Variants in GRIK4 observed in about 807,000 individuals in gnomAD.
The protein encoded by GRIK4 is glutamate ionotropic receptor kainate type subunit 4.
GRIK4 carries 40 observed loss-of-function variants against 104.9 expected under a neutral mutation model. The ratio of observed to expected loss-of-function variants is 0.38; its 90% CI spans 0.30 to 0.50. GRIK4 has a LOEUF of 0.50. GRIK4 is among the 20% of genes least tolerant of loss of function. The pLI is 0.93. For missense variants in GRIK4, 1,047 were observed against 1,308.1 expected, an observed-to-expected ratio of 0.80 and a Z score of 3.08; for synonymous variants, 485 against 524.9, an observed-to-expected ratio of 0.92 and a Z score of 1.04.
intron 7 of GRIK4, among the ~76,000 whole-genome samples, chr11:120,835,556 A>G (rs772593752): frequency 8.1e-4 from 123 of 152,166 alleles, no homozygotes; most frequent in Non-Finnish European, 1.5e-3. Context: ...CAAAAAAAGA[A>G]GCTCACAAAA....
intron 1 of GRIK4, among the ~76,000 whole-genome samples, chr11:120,584,104 G>T (rs745397896): frequency 7.9e-5 from 12 of 152,180 alleles, no homozygotes; most frequent in Admixed American, 1.3e-4. Flanking sequence ...AGCTCTAGGA[G>T]CTTTTGAGCA....
intron 13 of GRIK4, among the ~76,000 whole-genome samples, chr11:120,911,066 C>T (rs1009941951): frequency 1.3e-5 from 2 of 151,982 alleles, no homozygotes; most frequent in Admixed American, 6.6e-5. Context: ...GGAGTGTGGC[C>T]CCGTGGGCAG....
intron 3 of GRIK4, among the ~76,000 whole-genome samples, chr11:120,722,625 A>AG (rs948876774): frequency 6.6e-6 from 1 of 151,992 alleles, no homozygotes; most frequent in Non-Finnish European, 1.5e-5. Context: ...AAAAAAAAAA[A>AG]AGATTTTGGG....
At chr11:120,883,498 G>A (rs147123007) in intron 11 of GRIK4, among the ~76,000 whole-genome samples, 165 of 152,264 alleles carry the variant, frequency 1.1e-3, no homozygotes, top group African/African-American at 3.9e-3. Context: ...AGTGAATCAG[G>A]CTCTCCTGTC....
intron 1 of GRIK4, among the ~76,000 whole-genome samples, chr11:120,512,949 C>A (rs893516722): frequency 6.6e-6 from 1 of 152,158 alleles, no homozygotes; most frequent in Non-Finnish European, 1.5e-5. Flanking sequence ...GCGGGCCGAG[C>A]CACTCCCGGG....
intron 2 of GRIK4, among the ~76,000 whole-genome samples, chr11:120,655,493 C>T (rs1264290045): frequency 2.6e-5 from 4 of 152,208 alleles, no homozygotes; most frequent in Admixed American, 2.0e-4. Context: ...ATGGAGAGCT[C>T]CCTAAGACTT....
chr11:120,821,548 T>A (rs1953127108), intron 6 of GRIK4, among the ~76,000 whole-genome samples: 1 of 152,192 alleles, frequency 6.6e-6, no homozygotes, highest in African/African-American at 2.4e-5. Context: ...AGGAATGTCT[T>A]CTAAGGCGAG....
chr11:120,830,470 GC>G (rs991527687), intron 6 of GRIK4, among the ~76,000 whole-genome samples: 5 of 152,098 alleles, frequency 3.3e-5, no homozygotes, highest in Admixed American at 6.5e-5. Context: ...CTCCTTTTTG[GC>G]CTGGGTGGTG....
At chr11:120,826,162 C>G (rs1418526397) in intron 6 of GRIK4, among the ~76,000 whole-genome samples, 1 of 152,212 alleles carries the variant, frequency 6.6e-6, no homozygotes, top group East Asian at 1.9e-4. Context: ...AAGATGGGCT[C>G]TATCAACATT....
intron 3 of GRIK4, among the ~76,000 whole-genome samples, chr11:120,767,966 T>G (rs2135451817): frequency 6.6e-6 from 1 of 152,238 alleles, no homozygotes; most frequent in African/African-American, 2.4e-5. Context: ...AATATAATCT[T>G]AAGTCAGGAA....
chr11:120,538,409 G>A (rs943784277), intron 1 of GRIK4, among the ~76,000 whole-genome samples: 2 of 152,194 alleles, frequency 1.3e-5, no homozygotes, highest in Admixed American at 6.5e-5. Context: ...TCCCCAGGGG[G>A]TGTACATTGT....
At chr11:120,933,864 T>C (rs1425248374) in intron 13 of GRIK4, among the ~76,000 whole-genome samples, 1 of 151,978 alleles carries the variant, frequency 6.6e-6, no homozygotes, top group Admixed American at 6.6e-5. Context: ...CATGGCTGTA[T>C]GTAAGGGAGG....
chr11:120,731,589 T>A (rs1951132374), intron 3 of GRIK4, among the ~76,000 whole-genome samples: 1 of 152,218 alleles, frequency 6.6e-6, no homozygotes, highest in South Asian at 2.1e-4. Flanking sequence ...ATAGAATGAG[T>A]TTGGAAGTAT....
At chr11:120,829,212 G>C (rs1016108279) in intron 6 of GRIK4, among the ~76,000 whole-genome samples, 9 of 152,142 alleles carry the variant, frequency 5.9e-5, no homozygotes, top group African/African-American at 2.2e-4. Context: ...TGAGACTCCA[G>C]ATGCACCAGC....
At chr11:120,900,412 A>T (rs1238171417) in intron 12 of GRIK4, among the ~76,000 whole-genome samples, 1 of 152,160 alleles carries the variant, frequency 6.6e-6, no homozygotes, top group Non-Finnish European at 1.5e-5. Flanking sequence ...ATGACTGTTT[A>T]TTGGGTGCTG....
intron 3 of GRIK4, among the ~76,000 whole-genome samples, chr11:120,790,794 C>A (rs1427757257): frequency 1.3e-5 from 2 of 152,032 alleles, no homozygotes; most frequent in African/African-American, 4.8e-5. Context: ...GGGTGGGAGG[C>A]AGATCCCTCA....
At chr11:120,899,010 T>A (rs1420293470) in intron 12 of GRIK4, among the ~76,000 whole-genome samples, 1 of 152,138 alleles carries the variant, frequency 6.6e-6, no homozygotes, top group Admixed American at 6.5e-5. Context: ...GGGTGCCTGC[T>A]GTGTACAAAA....
chr11:120,854,114 C>T (rs1057042435), intron 8 of GRIK4, among the ~76,000 whole-genome samples: 14 of 152,248 alleles, frequency 9.2e-5, no homozygotes, highest in African/African-American at 3.4e-4. Flanking sequence ...CATTCAGCCA[C>T]ATCCGTGGAA....
chr11:120,985,927 G>T lies in GRIK4; in HGVS notation c.2538G>T (p.Val846=). 1 of 1,551,210 alleles carries T rather than the reference G, an allele frequency of 6.4e-7. No individual in the cohort carries two copies. Among genetic ancestry groups the T allele is most frequent in the South Asian group, 1.2e-5 (1 of 84,156 alleles). ...ATEVSVCQEM[V]TELRSIILCQ... ...AGGTGTCCGTCTGCCAGGAGATGGT[G>T]ACCGAGCTGCGCAGCATTATCCTGT... Residue 846 remains valine, a synonymous_variant, in exon 21 of 21, where the codon GTG becomes GTT. Transcript: ENST00000527524.
Sources: gnomAD v4.1 joint callset for allele counts (sites outside exome capture counted in the v4.1 genomes callset) on GRCh38, gnomAD v4.1.1 for gene constraint, MANE v1.5 for transcripts, NCBI Gene and HGNC (gene_info 2026-07-23, HGNC 2026-07-21) for gene names.